WDR43: variants seen among roughly 807,000 people sequenced by gnomAD.
WDR43 encodes the protein WD repeat domain 43, also known as WD repeat-containing protein 43.
WDR43 carries 13 observed loss-of-function variants against 91.4 expected under a neutral mutation model. The observed-to-expected ratio is 0.14, with a 90% CI of 0.09 to 0.23. The LOEUF is 0.23. Ranked by LOEUF, WDR43 falls within the 10% of genes least tolerant of loss-of-function variation. The pLI is 1.00. For synonymous variants in WDR43, 331 were observed against 287.9 expected (o/e 1.15, Z -1.51); for missense variants, 780 against 809.4 (o/e 0.96, Z 0.44).
At chr2:28,906,330 T>C (rs181351293) in intron 2 of WDR43, 130 bp from the exon 3 acceptor site, 19 of 853,798 alleles carry the variant, frequency 2.2e-5, no homozygotes, top group Non-Finnish European at 3.1e-5. Flanking sequence ...ATCTGAAATA[T>C]CCACGTGTGG....
At chr2:28,914,505 T>C (rs549581397) in intron 5 of WDR43, among the ~76,000 whole-genome samples, 22 of 152,326 alleles carry the variant, frequency 1.4e-4, no homozygotes, top group African/African-American at 5.3e-4. Flanking sequence ...TTTTGAAATA[T>C]ATGGCACCAC....
chr2:28,920,226 T>TC (rs1558375959), intron 6 of WDR43, among the ~76,000 whole-genome samples: 1 of 132,788 alleles, frequency 7.5e-6, no homozygotes, highest in Non-Finnish European at 1.7e-5. Flanking sequence ...TTTTCTTTCT[T>TC]TTTTTTTTTT....
intron 11 of WDR43, among the ~76,000 whole-genome samples, chr2:28,931,140 A>T (rs1388026384): frequency 1.3e-5 from 2 of 150,694 alleles, no homozygotes; most frequent in African/African-American, 4.9e-5. Context: ...CAGTGGCGCA[A>T]TCTCGGCTCA....
intron 2 of WDR43, among the ~76,000 whole-genome samples, chr2:28,903,094 T>C (rs1315420668): frequency 6.6e-6 from 1 of 152,194 alleles, no homozygotes; most frequent in African/African-American, 2.4e-5. Flanking sequence ...GGCTTTCTGT[T>C]CATCTAGTTT....
rs558823957 is a variant in WDR43, at chr2:28,906,311, G to C, written c.364-149G>C. On this transcript the variant is annotated intron_variant, in intron 2 of 17. Coordinates refer to ENST00000407426, the MANE Select transcript of WDR43 (RefSeq NM_015131.3). The stretch of plus-strand genomic sequence containing the variant: ...AAAAATACACCATTGGCTCTATGTA[G>C]TTCTACTGATCTGAAATATCCACGT... The C allele has an allele frequency of 2.3e-4, 158 of 695,594 alleles. No homozygotes were observed. In the African/African-American group the frequency reaches 2.6e-3, roughly 11 times the overall value. The allele number at this position is 695,594 out of a possible 1,614,324, so 43.1% of individuals were successfully genotyped here.
intron 2 of WDR43, among the ~76,000 whole-genome samples, chr2:28,903,578 C>T (rs1670616768): frequency 6.6e-6 from 1 of 152,150 alleles, no homozygotes; most frequent in Admixed American, 6.6e-5. Context: ...AAAAATAATA[C>T]TCAACTATAA....
chr2:28,919,336 T>C (rs1268472376), intron 6 of WDR43, among the ~76,000 whole-genome samples: 1 of 152,132 alleles, frequency 6.6e-6, no homozygotes, highest in East Asian at 1.9e-4. Flanking sequence ...CCATTGATGA[T>C]CAGATCAGTG....
chr2:28,894,705 G>A lies in WDR43; in HGVS notation c.7G>A (p.Ala3Thr), dbSNP rs754124216. The A allele has an allele frequency of 6.4e-7, 1 of 1,556,940 alleles. No homozygotes were observed. Among genetic ancestry groups the A allele is most frequent in the Non-Finnish European group, 8.7e-7 (1 of 1,151,352 alleles). Residue 3 changes from alanine (A) to threonine (T), a missense_variant, in exon 1 of 18, where the codon GCG (alanine) becomes ACG (threonine). Coordinates refer to ENST00000407426, the MANE Select transcript of WDR43 (RefSeq NM_015131.3). MAAGGGGSCDPLA... is the reference protein window; with the variant it reads MATGGGGSCDPLA... ...CAGCGGGGCCAGAGCAGCAATGGCGGCGGGCGGCGGCGGTAGCTGCGACCC... is the reference window on the plus strand; with the variant it reads ...CAGCGGGGCCAGAGCAGCAATGGCGACGGGCGGCGGCGGTAGCTGCGACCC...
intron 2 of WDR43, among the ~76,000 whole-genome samples, chr2:28,903,372 A>G (rs1670613985): frequency 6.6e-6 from 1 of 152,172 alleles, no homozygotes; most frequent in Admixed American, 6.6e-5. Context: ...TTCTGGAATA[A>G]TTTTTACTAA....
At chr2:28,922,674 T>A (rs574805004) in intron 6 of WDR43, among the ~76,000 whole-genome samples, 2 of 152,302 alleles carry the variant, frequency 1.3e-5, no homozygotes, top group Non-Finnish European at 2.9e-5. Flanking sequence ...TTCATCTAAC[T>A]TGGAGGGCTC....
At chr2:28,900,257 G>A (rs1407672693) in intron 1 of WDR43, among the ~76,000 whole-genome samples, 5 of 151,906 alleles carry the variant, frequency 3.3e-5, no homozygotes, top group Non-Finnish European at 7.4e-5. Flanking sequence ...GCAGGATCTC[G>A]GCTCACTGCA....
intron 7 of WDR43, among the ~76,000 whole-genome samples, chr2:28,924,477 A>G (rs1490014196): frequency 6.6e-6 from 1 of 152,106 alleles, no homozygotes; most frequent in African/African-American, 2.4e-5. Context: ...CACAAATGGT[A>G]TGGGAGAGAA....
intron 14 of WDR43, 49 bp from the exon 15 acceptor site, chr2:28,941,412 C>G (rs906886875): frequency 1.6e-5 from 22 of 1,412,716 alleles, no homozygotes; most frequent in Non-Finnish European, 2.1e-5. Context: ...TTTGCGTGTT[C>G]GTCATCTCTA....
At chr2:28,936,854 A>G (rs370628719) in intron 12 of WDR43, 68 bp from the exon 13 acceptor site, 81 of 1,327,370 alleles carry the variant, frequency 6.1e-5, no homozygotes, top group Middle Eastern at 1.8e-4. Flanking sequence ...TTGTCATTGT[A>G]TCATAGGAAT....
At chr2:28,923,234 T>C (rs1301773222) in intron 7 of WDR43, among the ~76,000 whole-genome samples, 2 of 152,236 alleles carry the variant, frequency 1.3e-5, no homozygotes, top group Non-Finnish European at 1.5e-5. Flanking sequence ...ATGATACATT[T>C]CAGAAGAAAG....
chr2:28,913,046 A>G lies in WDR43; in HGVS notation c.606+336A>G, dbSNP rs1398461808. On this transcript the variant is annotated intron_variant, in intron 4 of 17. Transcript: ENST00000407426. ...CGGCTCACTGCAAGCTCCGCCTCCC[A>G]GGTTCACCGCCATTCTCCTGCCTCA... Among the ~76,000 whole-genome samples, 5 of 137,434 alleles carry G rather than the reference A, an allele frequency of 3.6e-5. No individual in the cohort carries two copies. In the East Asian group the frequency reaches 6.4e-4, roughly 18 times the overall value. 90.2% of individuals were successfully genotyped at this position (137,434 alleles called of 152,430 possible). A position where few individuals can be genotyped will look rare whatever the true frequency, so the allele number is the denominator to read the frequency against.
chr2:28,917,596 G>C (rs1349313749), intron 5 of WDR43, among the ~76,000 whole-genome samples: 1 of 152,206 alleles, frequency 6.6e-6, no homozygotes, highest in Non-Finnish European at 1.5e-5. Context: ...AATCATGACA[G>C]TGTGGTATTA....
At chr2:28,936,198 A>C (rs1357533141) in intron 12 of WDR43, among the ~76,000 whole-genome samples, 1 of 152,174 alleles carries the variant, frequency 6.6e-6, no homozygotes, top group African/African-American at 2.4e-5. Context: ...CATCTTAAAA[A>C]AAAAAAGTAT....
At chr2:28,929,085 A>G (rs1223734284) in intron 10 of WDR43, among the ~76,000 whole-genome samples, 3 of 152,244 alleles carry the variant, frequency 2.0e-5, no homozygotes, top group Non-Finnish European at 4.4e-5. Flanking sequence ...TAGCTAATAA[A>G]TCATCATTTG....
Sources: gnomAD v4.1 joint callset for allele counts (sites outside exome capture counted in the v4.1 genomes callset) on GRCh38, gnomAD v4.1.1 for gene constraint, MANE v1.5 for transcripts, NCBI Gene and HGNC (gene_info 2026-07-23, HGNC 2026-07-21) for gene names.